The following DPYD variants were observed in gnomAD, a reference collection of about 807,000 sequenced individuals.
DPYD encodes the protein dihydropyrimidine dehydrogenase, also known as dihydropyrimidine dehydrogenase [NADP(+)].
In DPYD, 109 loss-of-function variants were observed where a neutral mutation model predicts 116.2. That is an observed-to-expected ratio of 0.94 (90% confidence interval 0.80 to 1.10). The LOEUF is 1.10. Among genes scored for constraint, DPYD ranks in the 50% least tolerant of loss-of-function variants. The pLI is 0.00. For synonymous variants in DPYD, 440 were observed against 432.0 expected, an observed-to-expected ratio of 1.02 and a Z score of -0.23; for missense variants, 1,302 against 1,254.5, an observed-to-expected ratio of 1.04 and a Z score of -0.57.
At chr1:97,698,904 AAAGT>A (rs1246229049) in intron 6 of DPYD, among the ~76,000 whole-genome samples, 7 of 152,016 alleles carry the variant, frequency 4.6e-5, no homozygotes, top group Non-Finnish European at 8.8e-5. Context: ...ATTTTAATCA[AAAGT>A]AAGACTTAAG....
intron 16 of DPYD, among the ~76,000 whole-genome samples, chr1:97,344,388 T>C (rs1389707759): frequency 6.6e-6 from 1 of 151,926 alleles, no homozygotes; most frequent in Non-Finnish European, 1.5e-5. Context: ...GTGTTGAGAA[T>C]TGTTCATATA....
intron 16 of DPYD, among the ~76,000 whole-genome samples, chr1:97,323,296 G>T (rs1668432371): frequency 6.8e-6 from 1 of 146,938 alleles, no homozygotes; most frequent in African/African-American, 2.5e-5. Flanking sequence ...ATACATATGT[G>T]TATATGTACA....
At chr1:97,603,014 C>T (rs114604607) in intron 8 of DPYD, among the ~76,000 whole-genome samples, 1,821 of 151,996 alleles carry the variant, frequency 0.012, 36 homozygotes, top group African/African-American at 0.042. Context: ...GTCTCTTGAG[C>T]CTTTTCTCTT....
intron 4 of DPYD, among the ~76,000 whole-genome samples, chr1:97,736,147 A>G (rs1376542270): frequency 6.6e-6 from 1 of 152,066 alleles, no homozygotes; most frequent in East Asian, 1.9e-4. Flanking sequence ...AAAATTGTTT[A>G]ACATCAAAAA....
intron 6 of DPYD, among the ~76,000 whole-genome samples, chr1:97,698,298 T>G (rs937679006): frequency 1.3e-5 from 2 of 151,928 alleles, no homozygotes; most frequent in African/African-American, 2.4e-5. Context: ...TACATCAATA[T>G]TTATGTTAAT....
intron 2 of DPYD, among the ~76,000 whole-genome samples, chr1:97,828,618 C>T (rs1285343268): frequency 1.3e-5 from 2 of 151,802 alleles, no homozygotes; most frequent in African/African-American, 4.8e-5. Context: ...CAATAAATAC[C>T]AAGTTCTAAA....
chr1:97,130,889 T>TCCTC (rs1253823128), intron 20 of DPYD, among the ~76,000 whole-genome samples: 1 of 138,866 alleles, frequency 7.2e-6, no homozygotes, highest in Non-Finnish European at 1.5e-5. Context: ...CTTCCTTCTT[T>TCCTC]CCTCCCTCCC....
At chr1:97,771,752 G>T (rs922737413) in intron 3 of DPYD, among the ~76,000 whole-genome samples, 2 of 152,120 alleles carry the variant, frequency 1.3e-5, no homozygotes, top group Non-Finnish European at 2.9e-5. Context: ...TAGCCCCACA[G>T]ATTTTCTAAA....
At chr1:97,390,047 A>C (rs1372625504) in intron 14 of DPYD, among the ~76,000 whole-genome samples, 1 of 152,104 alleles carries the variant, frequency 6.6e-6, no homozygotes, top group Non-Finnish European at 1.5e-5. Context: ...CACATTAAAA[A>C]TTAAGGTGAA....
chr1:97,762,944 C>A, intron 3 of DPYD, among the ~76,000 whole-genome samples: 1 of 151,984 alleles, frequency 6.6e-6, no homozygotes, highest in African/African-American at 2.4e-5. Flanking sequence ...TATTAAGTGG[C>A]ATAAAAAGCT....
At chr1:97,122,802 T>A (rs1214324148) in intron 20 of DPYD, among the ~76,000 whole-genome samples, 1 of 152,156 alleles carries the variant, frequency 6.6e-6, no homozygotes, top group Non-Finnish European at 1.5e-5. Flanking sequence ...TCTTTACTCC[T>A]TGCTATCTTT....
At chr1:97,853,241 G>A (rs1670656979) in intron 2 of DPYD, among the ~76,000 whole-genome samples, 1 of 152,048 alleles carries the variant, frequency 6.6e-6, no homozygotes, top group South Asian at 2.1e-4. Flanking sequence ...CTGAATTAAC[G>A]CTCAATATCA....
chr1:97,401,221 T>A (rs114500736), intron 14 of DPYD, among the ~76,000 whole-genome samples: 5,022 of 152,238 alleles, frequency 0.033, 129 homozygotes, highest in Non-Finnish European at 0.051. Flanking sequence ...AACCGTACTT[T>A]CTCCAATGCA....
rs189909575 is a variant in DPYD at position 97,509,803 on chromosome 1, T to A, written c.1740+5923A>T. The stretch of plus-strand genomic sequence containing the variant: ...AGACCTAAGGCAGGTCCTAGTAGAT[T>A]CTCTCAGGGCTTCTAACATTCCTAA... On this transcript the variant is annotated intron_variant, in intron 13 of 22. Transcript: ENST00000370192. Among the ~76,000 whole-genome samples, 373 of 152,080 alleles carry A rather than the reference T, an allele frequency of 2.5e-3. 2 individuals carry two copies. The highest frequency in any genetic ancestry group is 3.1e-3 in the Non-Finnish European group (208 of 67,932).
intron 4 of DPYD, among the ~76,000 whole-genome samples, chr1:97,723,322 C>A (rs547578882): frequency 4.0e-5 from 6 of 151,538 alleles, no homozygotes; most frequent in African/African-American, 9.6e-5. Context: ...AAATAATTAG[C>A]AAAGGATCAT....
At chr1:97,333,510 T>C (rs994616547) in intron 16 of DPYD, among the ~76,000 whole-genome samples, 1 of 137,382 alleles carries the variant, frequency 7.3e-6, no homozygotes, top group Non-Finnish European at 1.5e-5. Context: ...AATTGCTAAG[T>C]CTTAGGATTT....
intron 18 of DPYD, among the ~76,000 whole-genome samples, chr1:97,290,258 G>A (rs889938144): frequency 8.6e-5 from 13 of 151,978 alleles, no homozygotes; most frequent in African/African-American, 3.1e-4. Flanking sequence ...TGGCCATACT[G>A]CCCAAGGTAA....
At chr1:97,344,429 C>T (rs148807342) in intron 16 of DPYD, among the ~76,000 whole-genome samples, 38 of 151,948 alleles carry the variant, frequency 2.5e-4, no homozygotes, top group African/African-American at 8.9e-4. Context: ...TGAAAGTTCT[C>T]CTTTCCCAGT....
intron 18 of DPYD, among the ~76,000 whole-genome samples, chr1:97,248,341 A>G (rs1286750567): frequency 6.6e-6 from 1 of 152,126 alleles, no homozygotes; most frequent in Non-Finnish European, 1.5e-5. Context: ...TGATGGTTTT[A>G]AAAACAGGAG....
Sources: gnomAD v4.1 joint callset for allele counts (sites outside exome capture counted in the v4.1 genomes callset) on GRCh38, gnomAD v4.1.1 for gene constraint, MANE v1.5 for transcripts, NCBI Gene and HGNC (gene_info 2026-07-23, HGNC 2026-07-21) for gene names.